The following SPOCK3 variants were observed in gnomAD, a reference collection of about 807,000 sequenced individuals.
SPOCK3 encodes SPARC (osteonectin), cwcv and kazal like domains proteoglycan 3, also known as testican-3.
In SPOCK3, 30 loss-of-function variants were observed where a neutral mutation model predicts 56.6. The observed-to-expected ratio is 0.53, with a 90% confidence interval of 0.40 to 0.72. SPOCK3 has a LOEUF of 0.72. Among genes scored for constraint, SPOCK3 ranks in the 30% least tolerant of loss-of-function variants. SPOCK3 has a pLI of 0.00. For missense variants in SPOCK3, 527 were observed against 530.0 expected, an observed-to-expected ratio of 0.99 and a Z score of 0.06; for synonymous variants, 196 against 183.3, an observed-to-expected ratio of 1.07 and a Z score of -0.56.
At chr4:167,055,623 TTAAAA>T (rs1754733444) in intron 3 of SPOCK3, among the ~76,000 whole-genome samples, 2 of 152,224 alleles carry the variant, frequency 1.3e-5, no homozygotes, top group African/African-American at 4.8e-5. Context: ...TCCAACGGGC[TTAAAA>T]TACGGTGCAC....
At position 167,000,408 on chromosome 4, in the gene SPOCK3, T is replaced by C. The variant is rs35168179; in HGVS notation, c.291A>G (p.Val97=). 3.2e-3 allele frequency: 5,212 copies of C among 1,609,302 alleles called. 159 individuals are homozygous for C. The African/African-American group carries it at 0.061, about 19-fold the overall frequency. The part of the protein sequence containing the change: ...CLKMKCSRHK[V]CIAQDSQTAV... ...CAGTCTGAGAATCTTGAGCAATGCA[T>C]ACTTTATGGCGACTACATTTCATCT... is the stretch of plus-strand genomic sequence containing the variant. Residue 97 remains valine, a synonymous_variant, in exon 4 of 11, where the codon GTA becomes GTG. Coordinates refer to ENST00000357545, the MANE Select transcript of SPOCK3 (RefSeq NM_001040159.2).
chr4:167,104,848 A>G (rs1759957226), intron 2 of SPOCK3, among the ~76,000 whole-genome samples: 1 of 151,872 alleles, frequency 6.6e-6, no homozygotes, highest in Admixed American at 6.6e-5. Flanking sequence ...CAAAAAGAAA[A>G]AAAAAAAAAG....
At chr4:166,833,373 T>C (rs1331818696) in intron 6 of SPOCK3, among the ~76,000 whole-genome samples, 1 of 152,168 alleles carries the variant, frequency 6.6e-6, no homozygotes, top group Non-Finnish European at 1.5e-5. Flanking sequence ...GTTGATAGTA[T>C]TATTCAGGTC....
intron 2 of SPOCK3, among the ~76,000 whole-genome samples, chr4:167,160,203 C>G (rs1765168191): frequency 6.6e-6 from 1 of 152,120 alleles, no homozygotes. Flanking sequence ...TCTCAGGATA[C>G]AAAATCAATG....
At chr4:167,049,466 G>A (rs1754003535) in intron 3 of SPOCK3, among the ~76,000 whole-genome samples, 1 of 151,992 alleles carries the variant, frequency 6.6e-6, no homozygotes, top group Admixed American at 6.6e-5. Flanking sequence ...GTCTCAATGA[G>A]GATTTTGAAA....
chr4:166,865,216 C>T (rs1189007234), intron 6 of SPOCK3, among the ~76,000 whole-genome samples: 3 of 151,948 alleles, frequency 2.0e-5, no homozygotes, highest in South Asian at 2.1e-4. Context: ...AAAAGGCCTT[C>T]GATAAAATTC....
At chr4:167,063,687 C>G (rs559524968) in intron 2 of SPOCK3, among the ~76,000 whole-genome samples, 6 of 151,936 alleles carry the variant, frequency 3.9e-5, no homozygotes, top group African/African-American at 1.2e-4. Context: ...ACCGTCCCAC[C>G]CTTCCAAGTA....
chr4:167,058,261 A>C (rs928451278), intron 3 of SPOCK3, among the ~76,000 whole-genome samples: 1 of 152,216 alleles, frequency 6.6e-6, no homozygotes. Flanking sequence ...CCATTGTCTC[A>C]GCTGAAAATC....
intron 2 of SPOCK3, among the ~76,000 whole-genome samples, chr4:167,072,200 A>G (rs1419938345): frequency 6.6e-6 from 1 of 152,082 alleles, no homozygotes; most frequent in African/African-American, 2.4e-5. Flanking sequence ...TACTCTTGAA[A>G]TTAGAACCCC....
chr4:166,874,320 A>G (rs531188054), intron 6 of SPOCK3, among the ~76,000 whole-genome samples: 4 of 152,250 alleles, frequency 2.6e-5, no homozygotes, highest in Non-Finnish European at 4.4e-5. Context: ...TCAGAGTCCT[A>G]TATCTCTGAT....
chr4:167,152,288 C>T (rs1764494039), intron 2 of SPOCK3, among the ~76,000 whole-genome samples: 1 of 152,110 alleles, frequency 6.6e-6, no homozygotes, highest in Non-Finnish European at 1.5e-5. Flanking sequence ...TTAGATGACT[C>T]AAAGTTTCAG....
chr4:167,126,954 C>G (rs886333095), intron 2 of SPOCK3, among the ~76,000 whole-genome samples: 3 of 152,086 alleles, frequency 2.0e-5, no homozygotes, highest in Non-Finnish European at 4.4e-5. Flanking sequence ...CCTATGTATT[C>G]CCCCTCTCTC....
At chr4:166,968,605 G>A (rs1258639541) in intron 4 of SPOCK3, among the ~76,000 whole-genome samples, 1 of 147,762 alleles carries the variant, frequency 6.8e-6, no homozygotes, top group South Asian at 2.1e-4. Flanking sequence ...TGCACAGAAG[G>A]CAAGAATTGA....
chr4:166,810,112 C>T (rs547415760), intron 6 of SPOCK3, among the ~76,000 whole-genome samples: 68 of 152,172 alleles, frequency 4.5e-4, no homozygotes, highest in African/African-American at 1.4e-3. Flanking sequence ...GAGTCAAGCC[C>T]CACTTTGTTG....
At chr4:166,982,943 TA>T (rs1746746534) in intron 4 of SPOCK3, among the ~76,000 whole-genome samples, 2 of 152,200 alleles carry the variant, frequency 1.3e-5, no homozygotes, top group African/African-American at 2.4e-5. Flanking sequence ...CCCTCTTCCC[TA>T]AGTTCTTTCC....
chr4:166,875,119 G>A (rs968185432), intron 6 of SPOCK3, among the ~76,000 whole-genome samples: 1 of 151,938 alleles, frequency 6.6e-6, no homozygotes, highest in Admixed American at 6.6e-5. Flanking sequence ...AATCACTAAT[G>A]CCATATAAAT....
At chr4:167,131,085 T>C (rs1762663757) in intron 2 of SPOCK3, among the ~76,000 whole-genome samples, 1 of 152,092 alleles carries the variant, frequency 6.6e-6, no homozygotes, top group Non-Finnish European at 1.5e-5. Context: ...TTCAAGGTTT[T>C]TAAAAATATT....
At chr4:166,966,954 G>A (rs1744803121) in intron 4 of SPOCK3, among the ~76,000 whole-genome samples, 1 of 151,978 alleles carries the variant, frequency 6.6e-6, no homozygotes, top group African/African-American at 2.4e-5. Context: ...CTGATTCATT[G>A]AAACTCTTAT....
intron 2 of SPOCK3, among the ~76,000 whole-genome samples, chr4:167,194,044 A>T (rs1732705706): frequency 6.6e-6 from 1 of 152,042 alleles, no homozygotes; most frequent in Non-Finnish European, 1.5e-5. Context: ...TGTTTTCTAC[A>T]CTGTTTTGCA....
Sources: gnomAD v4.1 joint callset for allele counts (sites outside exome capture counted in the v4.1 genomes callset) on GRCh38, gnomAD v4.1.1 for gene constraint, MANE v1.5 for transcripts, NCBI Gene and HGNC (gene_info 2026-07-23, HGNC 2026-07-21) for gene names.